MAP2: variants seen among roughly 807,000 people sequenced by gnomAD.
The protein encoded by MAP2 is microtubule-associated protein 2.
Under a neutral mutation model 137.6 loss-of-function variants are expected in MAP2, and 14 were observed. The observed-to-expected ratio is 0.10, with a 90% CI of 0.07 to 0.16. The LOEUF (loss-of-function observed/expected upper bound fraction) is 0.16. MAP2 is among the 10% of genes least tolerant of loss of function. The pLI, the probability that MAP2 is intolerant of heterozygous loss-of-function variation, is 1.00. For synonymous variants in MAP2, 786 were observed against 782.3 expected (o/e 1.00, Z -0.08); for missense variants, 2,088 against 2,191.5 (o/e 0.95, Z 0.94).
At chr2:209,644,436 C>T (rs2094263541) in intron 4 of MAP2, among the ~76,000 whole-genome samples, 1 of 152,112 alleles carries the variant, frequency 6.6e-6, no homozygotes, top group South Asian at 2.1e-4. Flanking sequence ...TCTACCATGA[C>T]AGCCCTGAAA....
At chr2:209,653,893 T>C (rs189709420) in intron 5 of MAP2, among the ~76,000 whole-genome samples, 42 of 152,342 alleles carry the variant, frequency 2.8e-4, no homozygotes, top group Admixed American at 2.3e-3. Context: ...CTTTTCTACA[T>C]GCAAGGTGTT....
chr2:209,554,901 AAATAT>A (rs1366504703), intron 2 of MAP2, among the ~76,000 whole-genome samples: 11 of 148,244 alleles, frequency 7.4e-5, no homozygotes, highest in African/African-American at 2.2e-4. Context: ...TATATGCATT[AAATAT>A]AATATATACA....
intron 11 of MAP2, chr2:209,704,173 A>ATATG (rs2062642611): frequency 2.5e-6 from 1 of 398,826 alleles, no homozygotes; most frequent in Admixed American, 3.4e-5. Flanking sequence ...GTCCGTGTGT[A>ATATG]CCCATTGTTT....
intron 2 of MAP2, among the ~76,000 whole-genome samples, chr2:209,548,370 C>G (rs552900704): frequency 6.6e-6 from 1 of 152,254 alleles, no homozygotes; most frequent in Admixed American, 6.5e-5. Context: ...AAGGGCTTTG[C>G]ATTTGTTTAT....
chr2:209,431,496 C>G (rs942089153), intron 1 of MAP2, among the ~76,000 whole-genome samples: 1 of 152,132 alleles, frequency 6.6e-6, no homozygotes, highest in African/African-American at 2.4e-5. Context: ...ATTCTCAAGA[C>G]TTGCTATTTA....
chr2:209,663,864 T>G (rs2044893565), intron 5 of MAP2, among the ~76,000 whole-genome samples: 1 of 152,238 alleles, frequency 6.6e-6, no homozygotes, highest in South Asian at 2.1e-4. Context: ...TTGCCGAATG[T>G]AAATGGGCAA....
At chr2:209,640,171 A>T (rs986866239) in intron 4 of MAP2, among the ~76,000 whole-genome samples, 7 of 151,846 alleles carry the variant, frequency 4.6e-5, no homozygotes, top group Non-Finnish European at 8.8e-5. Context: ...GTGGCAAGAG[A>T]TGTTGACGTA....
At chr2:209,626,110 A>G (rs542721562) in intron 4 of MAP2, among the ~76,000 whole-genome samples, 2 of 152,224 alleles carry the variant, frequency 1.3e-5, no homozygotes, top group Non-Finnish European at 1.5e-5. Context: ...TAAGATGTTC[A>G]AAGCAAAATA....
chr2:209,620,462 A>G (rs545105273), intron 3 of MAP2, among the ~76,000 whole-genome samples: 6 of 152,362 alleles, frequency 3.9e-5, no homozygotes, highest in African/African-American at 1.2e-4. Context: ...TGCAAGAAAC[A>G]TAAGTTTCTC....
chr2:209,429,510 A>C (rs1693662197), intron 1 of MAP2, among the ~76,000 whole-genome samples: 1 of 152,178 alleles, frequency 6.6e-6, no homozygotes, highest in Non-Finnish European at 1.5e-5. Flanking sequence ...AGCAATCAGT[A>C]AATGTTGAAC....
At chr2:209,551,041 G>T (rs1456187378) in intron 2 of MAP2, among the ~76,000 whole-genome samples, 5 of 152,086 alleles carry the variant, frequency 3.3e-5, no homozygotes, top group Non-Finnish European at 7.4e-5. Flanking sequence ...TGCCAATGCT[G>T]TCAGATCTCA....
chr2:209,572,779 G>A lies in MAP2; in HGVS notation c.-171-7257G>A, dbSNP rs549491583. ...AGATGTTTTTATAACTAGTAACTCA[G>A]CTTCGTTGATGGTGTATAGTTAATA... On this transcript the variant is annotated intron_variant, in intron 2 of 15. Transcript: ENST00000682079. Among the ~76,000 whole-genome samples, 24 of 152,272 alleles carry A rather than the reference G, an allele frequency of 1.6e-4. No homozygotes were observed. In the South Asian group the frequency reaches 5.0e-3, roughly 32 times the overall value.
intron 1 of MAP2, among the ~76,000 whole-genome samples, chr2:209,442,206 C>A (rs1697965486): frequency 6.6e-6 from 1 of 151,480 alleles, no homozygotes; most frequent in Non-Finnish European, 1.5e-5. Context: ...TAATGTCAAT[C>A]AGATGTCCTA....
At chr2:209,454,560 C>T (rs919602912) in intron 1 of MAP2, among the ~76,000 whole-genome samples, 1 of 152,118 alleles carries the variant, frequency 6.6e-6, no homozygotes, top group Non-Finnish European at 1.5e-5. Context: ...TGGTCATGAA[C>T]TCCTGACCTC....
intron 2 of MAP2, among the ~76,000 whole-genome samples, chr2:209,511,836 T>C (rs1477992613): frequency 6.6e-6 from 1 of 152,106 alleles, no homozygotes; most frequent in East Asian, 1.9e-4. Context: ...CCTCTGAAGG[T>C]GCTAGGATTA....
chr2:209,460,229 A>G (rs548092242), intron 1 of MAP2, among the ~76,000 whole-genome samples: 2 of 152,368 alleles, frequency 1.3e-5, no homozygotes, highest in Admixed American at 1.3e-4. Context: ...TAAGAAGTAT[A>G]TAAAATAGAT....
intron 13 of MAP2, among the ~76,000 whole-genome samples, chr2:209,718,687 T>C (rs2068805617): frequency 6.6e-6 from 1 of 152,224 alleles, no homozygotes; most frequent in African/African-American, 2.4e-5. Context: ...AACTTTTCTT[T>C]TAGAGTTTTG....
At chr2:209,520,140 G>C (rs1332457759) in intron 2 of MAP2, among the ~76,000 whole-genome samples, 1 of 151,976 alleles carries the variant, frequency 6.6e-6, no homozygotes, top group Non-Finnish European at 1.5e-5. Flanking sequence ...CAAGCTGAAG[G>C]TCACATGACC....
At chr2:209,517,378 TTAAC>T (rs1201335119) in intron 2 of MAP2, among the ~76,000 whole-genome samples, 1 of 152,138 alleles carries the variant, frequency 6.6e-6, no homozygotes, top group African/African-American at 2.4e-5. Context: ...ACTTCATTAA[TTAAC>T]AAGAAAACTT....
Sources: gnomAD v4.1 joint callset for allele counts (sites outside exome capture counted in the v4.1 genomes callset) on GRCh38, gnomAD v4.1.1 for gene constraint, MANE v1.5 for transcripts, NCBI Gene and HGNC (gene_info 2026-07-23, HGNC 2026-07-21) for gene names.